LRMDA: variants seen among roughly 807,000 people sequenced by gnomAD.
The protein encoded by LRMDA is leucine rich melanocyte differentiation associated, also known as leucine-rich melanocyte differentiation-associated protein.
Under a neutral mutation model 29.8 loss-of-function variants are expected in LRMDA, and 18 were observed. The observed-to-expected ratio is 0.60, with a 90% CI of 0.42 to 0.90. LRMDA has a LOEUF of 0.90. Ranked by LOEUF, LRMDA falls within the 40% of genes least tolerant of loss-of-function variation. The pLI is 0.00. For missense variants in LRMDA, 273 were observed against 273.9 expected, an observed-to-expected ratio of 1.00 and a Z score of 0.02; for synonymous variants, 125 against 109.4, an observed-to-expected ratio of 1.14 and a Z score of -0.89.
At chr10:76,425,403 C>A (rs2132525602) in intron 6 of LRMDA, among the ~76,000 whole-genome samples, 1 of 151,234 alleles carries the variant, frequency 6.6e-6, no homozygotes, top group East Asian at 2.0e-4. Flanking sequence ...AAGTTCAAAT[C>A]CCAACTCAGT....
intron 6 of LRMDA, among the ~76,000 whole-genome samples, chr10:76,394,336 A>G (rs1456643611): frequency 6.6e-6 from 1 of 152,196 alleles, no homozygotes; most frequent in Non-Finnish European, 1.5e-5. Flanking sequence ...GTAAGAGTCC[A>G]AATGTTCTGT....
At chr10:76,212,396 A>G (rs1413730486) in intron 5 of LRMDA, among the ~76,000 whole-genome samples, 1 of 152,040 alleles carries the variant, frequency 6.6e-6, no homozygotes, top group Non-Finnish European at 1.5e-5. Flanking sequence ...TGTTGGGTCC[A>G]TTTTTCACAC....
chr10:76,473,112 AAATT>A (rs1842634341), intron 6 of LRMDA, among the ~76,000 whole-genome samples: 1 of 151,642 alleles, frequency 6.6e-6, no homozygotes, highest in South Asian at 2.1e-4. Flanking sequence ...AATCCTTAAC[AAATT>A]ATTAGCACAT....
At chr10:75,466,103 G>T (rs1460498381) in intron 2 of LRMDA, among the ~76,000 whole-genome samples, 1 of 152,200 alleles carries the variant, frequency 6.6e-6, no homozygotes, top group Non-Finnish European at 1.5e-5. Flanking sequence ...TGGGGGCTAG[G>T]GTTCGAGAGG....
chr10:75,624,515 T>C (rs1158923628), intron 2 of LRMDA, among the ~76,000 whole-genome samples: 2 of 152,240 alleles, frequency 1.3e-5, no homozygotes, highest in African/African-American at 4.8e-5. Context: ...ATTATATTAA[T>C]AATTTTACCA....
At chr10:76,451,338 A>T (rs1313805324) in intron 6 of LRMDA, among the ~76,000 whole-genome samples, 3 of 151,196 alleles carry the variant, frequency 2.0e-5, no homozygotes, top group Admixed American at 2.0e-4. Flanking sequence ...AGTAGCTGGG[A>T]CTACAGGTGC....
chr10:75,721,757 T>C (rs775190829), intron 2 of LRMDA, among the ~76,000 whole-genome samples: 2 of 152,244 alleles, frequency 1.3e-5, no homozygotes, highest in Admixed American at 6.5e-5. Context: ...ATTCAGAAGA[T>C]TGATACTATA....
chr10:76,241,563 C>G (rs1852277709), intron 5 of LRMDA, among the ~76,000 whole-genome samples: 1 of 152,096 alleles, frequency 6.6e-6, no homozygotes, highest in Non-Finnish European at 1.5e-5. Context: ...AACATAGTTT[C>G]TGTGGGCATT....
At chr10:76,275,407 G>T (rs1840118976) in intron 5 of LRMDA, among the ~76,000 whole-genome samples, 2 of 151,158 alleles carry the variant, frequency 1.3e-5, no homozygotes, top group African/African-American at 4.9e-5. Context: ...TCTTCATTTT[G>T]GGGACTTTTT....
chr10:76,443,980 C>G (rs1230599291), intron 6 of LRMDA, among the ~76,000 whole-genome samples: 1 of 152,194 alleles, frequency 6.6e-6, no homozygotes, highest in East Asian at 1.9e-4. Flanking sequence ...TGAAAGAAAG[C>G]CCCATGGAAG....
intron 4 of LRMDA, among the ~76,000 whole-genome samples, chr10:76,053,775 C>A (rs1370293989): frequency 6.6e-6 from 1 of 152,156 alleles, no homozygotes; most frequent in African/African-American, 2.4e-5. Context: ...GGAAGGAGAC[C>A]CTTTGCTGCC....
At chr10:75,988,709 A>G (rs1358501087) in intron 2 of LRMDA, among the ~76,000 whole-genome samples, 1 of 152,094 alleles carries the variant, frequency 6.6e-6, no homozygotes, top group Non-Finnish European at 1.5e-5. Flanking sequence ...CTCCTCTGCT[A>G]AGAAATCTCC....
chr10:76,042,940 G>A (rs754351249), intron 3 of LRMDA, among the ~76,000 whole-genome samples: 1 of 152,098 alleles, frequency 6.6e-6, no homozygotes, highest in Non-Finnish European at 1.5e-5. Flanking sequence ...AGCTGTATAA[G>A]ATTTCAGGAC....
intron 2 of LRMDA, among the ~76,000 whole-genome samples, chr10:75,854,902 A>AT (rs1458844323): frequency 6.6e-6 from 1 of 152,150 alleles, no homozygotes; most frequent in South Asian, 2.1e-4. Flanking sequence ...TGAACTCATC[A>AT]TTTTTTATGG....
Position 76,469,431 on chromosome 10 carries a change from C to T in LRMDA, c.602-87778C>T, listed in dbSNP as rs192394378. Among the ~76,000 whole-genome samples the T allele has an allele frequency of 1.6e-4, 25 of 152,220 alleles. 1 individual carries two copies. The East Asian group carries it at 4.7e-3, about 28-fold the overall frequency. On this transcript the variant is annotated intron_variant, in intron 6 of 6. Transcript: ENST00000611255. Reference sequence around the variant, plus strand: ...AGCTAACTGAGAACACTTGGGCCCTCATCATTCTTGCTCAAGAATGATGGG... The same window carrying T: ...AGCTAACTGAGAACACTTGGGCCCTTATCATTCTTGCTCAAGAATGATGGG...
At position 75,973,216 on chromosome 10, in the gene LRMDA, A is replaced by G. The variant is rs542287995; in HGVS notation, c.132-62792A>G. ...GAGGCATCTGAGGCTCAGATTCATT[A>G]AATAACTCAAGTAACTTGCCTAAGG... On this transcript the variant is annotated intron_variant, in intron 2 of 6. Transcript: ENST00000611255. Among the ~76,000 whole-genome samples, 38 of 152,334 alleles carry G rather than the reference A, an allele frequency of 2.5e-4. 1 individual carries two copies. In the South Asian group the frequency reaches 7.7e-3, roughly 31 times the overall value.
chr10:76,353,572 CA>C (rs1194658481), intron 6 of LRMDA, among the ~76,000 whole-genome samples: 1 of 152,056 alleles, frequency 6.6e-6, no homozygotes, highest in Non-Finnish European at 1.5e-5. Context: ...TGTGTACAAT[CA>C]GGGGAGACAT....
chr10:75,552,483 A>G, intron 2 of LRMDA: 1 of 373,010 alleles, frequency 2.7e-6, no homozygotes, highest in African/African-American at 2.4e-5. Context: ...TAGTAGTTTT[A>G]CTATGATGAG....
rs187593026 is a variant in LRMDA, at chr10:76,101,511, C to A, written c.516+42728C>A. ...CAACACTTTGGGAGGCCAAGGCAGG[C>A]GGATCAGTTGAGGCCAGGAGTTTGA... is the stretch of plus-strand genomic sequence containing the variant. On this transcript the variant is annotated intron_variant, in intron 5 of 6. Coordinates refer to ENST00000611255, the MANE Select transcript of LRMDA (RefSeq NM_001305581.2). 9.1e-4 allele frequency among the ~76,000 whole-genome samples: 139 copies of A among 152,210 alleles called. 1 individual carries two copies. Among genetic ancestry groups the A allele is most frequent in the African/African-American group, 3.3e-3 (135 of 41,526 alleles).
Sources: gnomAD v4.1 joint callset for allele counts (sites outside exome capture counted in the v4.1 genomes callset) on GRCh38, gnomAD v4.1.1 for gene constraint, MANE v1.5 for transcripts, NCBI Gene and HGNC (gene_info 2026-07-23, HGNC 2026-07-21) for gene names.